CHAF1A: variants seen among roughly 807,000 people sequenced by gnomAD.
The protein encoded by CHAF1A is CAF-1 subunit A.
In CHAF1A, 5 loss-of-function variants were observed where a neutral mutation model predicts 93.2. The ratio of observed to expected loss-of-function variants is 0.05; its 90% CI spans 0.03 to 0.11. The LOEUF (loss-of-function observed/expected upper bound fraction) is 0.11. CHAF1A is among the 10% of genes least tolerant of loss of function. CHAF1A has a pLI of 1.00. For synonymous variants in CHAF1A, 504 were observed against 510.3 expected, an observed-to-expected ratio of 0.99 and a Z score of 0.17; for missense variants, 1,102 against 1,259.9, an observed-to-expected ratio of 0.87 and a Z score of 1.90.
At position 4,443,187 on chromosome 19, in the gene CHAF1A, T is replaced by G; in HGVS notation, c.*162T>G. 1 of 652,644 alleles carries G rather than the reference T, an allele frequency of 1.5e-6. No homozygotes were observed. Among genetic ancestry groups the G allele is most frequent in the South Asian group, 1.7e-5 (1 of 60,486 alleles). 40.4% of individuals were successfully genotyped at this position (652,644 alleles called of 1,614,324 possible). On this transcript the variant is annotated 3_prime_UTR_variant, in exon 15 of 15. Coordinates refer to ENST00000301280, the MANE Select transcript of CHAF1A (RefSeq NM_005483.3). The stretch of plus-strand genomic sequence containing the variant: ...ATGCTGGATTAGTTCCTTTGATATT[T>G]GTAAAAATTCCCCCAAGAGCCGCAT...
rs1394033314 is a variant in CHAF1A at position 4,426,720 on chromosome 19, T to A, written c.1378-1944T>A. Reference sequence around the variant, plus strand: ...AACTACTGACCTCAGGTGATCCGCCTACCTCGGCCTCCCAAAGTGCTGGGA... The same window carrying A: ...AACTACTGACCTCAGGTGATCCGCCAACCTCGGCCTCCCAAAGTGCTGGGA... On this transcript the variant is annotated intron_variant, in intron 7 of 14. Coordinates refer to ENST00000301280, the MANE Select transcript of CHAF1A (RefSeq NM_005483.3). Among the ~76,000 whole-genome samples the A allele has an allele frequency of 2.0e-5, 3 of 149,440 alleles. No individual in the cohort carries two copies. In the East Asian group the frequency reaches 6.0e-4, roughly 30 times the overall value.
intron 13 of CHAF1A, among the ~76,000 whole-genome samples, chr19:4,438,316 G>C (rs1974324118): frequency 6.6e-6 from 1 of 152,114 alleles, no homozygotes; most frequent in African/African-American, 2.4e-5. Context: ...TGAGGATAAT[G>C]GTTCCCAGCT....
At chr19:4,444,313 A>G (rs1291117842), downstream of CHAF1A, among the ~76,000 whole-genome samples, 2 of 152,148 alleles carry the variant, frequency 1.3e-5, no homozygotes, top group Admixed American at 1.3e-4. Flanking sequence ...GGGCCGGGGC[A>G]CACATGCCTT....
At chr19:4,445,530 C>G (rs138129036), downstream of CHAF1A, 169 of 1,613,818 alleles carry the variant, frequency 1.0e-4, no homozygotes, top group Non-Finnish European at 8.1e-5. Flanking sequence ...GACAGGAGCT[C>G]GGGTTTCAGG....
chr19:4,423,204 C>T, intron 5 of CHAF1A, 131 bp from the exon 6 acceptor site: 1 of 1,349,636 alleles, frequency 7.4e-7, no homozygotes, highest in Non-Finnish European at 1.0e-6. Flanking sequence ...AAGCCTTATA[C>T]TAGACATGAA....
chr19:4,448,170 TG>T, downstream of CHAF1A: 1 of 694,384 alleles, frequency 1.4e-6, no homozygotes, highest in Non-Finnish European at 2.4e-6. Flanking sequence ...CTGAGGCCTC[TG>T]GGTGGAGCTG....
At chr19:4,446,567 G>A, downstream of CHAF1A, 1 of 1,612,550 alleles carries the variant, frequency 6.2e-7, no homozygotes. Context: ...AGTTCGAACT[G>A]CGAGGCCAGG....
rs781175892 is a variant in CHAF1A, at chr19:4,429,546, G to C, written c.1713G>C (p.Trp571Cys). The C allele has an allele frequency of 2.5e-6, 4 of 1,614,024 alleles. No individual in the cohort carries two copies. The highest frequency in any genetic ancestry group is 3.4e-6 in the Non-Finnish European group (4 of 1,180,000). The change falls in exon 9 of 15, where the codon TGG becomes TGC. Residue 571 changes from tryptophan to cysteine, a missense_variant. Physicochemically the swap from Trp to Cys is radical, Grantham distance 215. Around this residue, in one of 6 missense-constraint regions of CHAF1A, gnomAD observed 335 missense variants for 361.9 expected, o/e 0.93. Coordinates refer to ENST00000301280, the MANE Select transcript of CHAF1A (RefSeq NM_005483.3). Reference sequence around the variant, plus strand: ...GTGAGAACCACCGGCCTGCCTACTGGGGTACCTGGAATAAGAAGACGGCAC... The same window carrying C: ...GTGAGAACCACCGGCCTGCCTACTGCGGTACCTGGAATAAGAAGACGGCAC... ...QFCENHRPAY[W>C]GTWNKKTALI...
At position 4,443,085 on chromosome 19, in the gene CHAF1A, AC is replaced by A; in HGVS notation, c.*62del. Reference sequence around the variant, plus strand: ...TCCTCCCCACAGAGCAGATACTTGAACCGACTCAATTCCTGTGTAAAGAGCA... The same window carrying A: ...TCCTCCCCACAGAGCAGATACTTGAACGACTCAATTCCTGTGTAAAGAGCA... On this transcript the variant is annotated 3_prime_UTR_variant, in exon 15 of 15. Transcript: ENST00000301280. 1 of 1,108,494 alleles carries A rather than the reference AC, an allele frequency of 9.0e-7. No homozygotes were observed. The highest frequency in any genetic ancestry group is 1.3e-6 in the Non-Finnish European group (1 of 741,500). 68.7% of individuals were successfully genotyped at this position (1,108,494 alleles called of 1,614,324 possible).
At chr19:4,430,929 C>A in intron 11 of CHAF1A, 1 of 415,404 alleles carries the variant, frequency 2.4e-6, no homozygotes, top group South Asian at 2.6e-5. Context: ...GGAAACCACC[C>A]GAGCTGACAT....
intron 2 of CHAF1A, among the ~76,000 whole-genome samples, chr19:4,406,295 A>C (rs1973678827): frequency 6.6e-6 from 1 of 152,174 alleles, no homozygotes; most frequent in Non-Finnish European, 1.5e-5. Flanking sequence ...ATATCTCTAT[A>C]CGTGGCTGAT....
At chr19:4,434,784 T>G (rs1057091737) in intron 13 of CHAF1A, among the ~76,000 whole-genome samples, 3 of 152,204 alleles carry the variant, frequency 2.0e-5, no homozygotes, top group African/African-American at 7.2e-5. Flanking sequence ...GGCACTCTGA[T>G]CGGTCTCTCA....
chr19:4,442,836 C>G lies in CHAF1A; in HGVS notation c.2771-89C>G, dbSNP rs1974418979. 1.1e-5 allele frequency: 11 copies of G among 969,940 alleles called. No homozygotes were observed. In the South Asian group the frequency reaches 1.7e-4, roughly 15 times the overall value. 60.1% of individuals were successfully genotyped at this position (969,940 alleles called of 1,614,324 possible). ...GGAGGGTCCCGCCCTGGGGTTGTTG[C>G]AGGCCCCATGAGGCAGCAGGGTGGG... On this transcript the variant is annotated intron_variant, in intron 14 of 14. Transcript: ENST00000301280.
Position 4,428,864 on chromosome 19 carries a change from C to T in CHAF1A, c.1578C>T (p.Ser526=), listed in dbSNP as rs755489585. 1.2e-6 allele frequency: 2 copies of T among 1,613,812 alleles called. No individual in the cohort carries two copies. Among genetic ancestry groups the T allele is most frequent in the Non-Finnish European group, 1.7e-6 (2 of 1,180,000 alleles). The part of the protein sequence containing the change: ...QPLRSGPTHV[S]TRNADIFNSD... ...TGAGGTCCGGACCCACGCACGTTTC[C>T]ACCCGGAATGCAGATATTTTTAACA... Residue 526 remains serine (S), a synonymous_variant, in exon 8 of 15, where the codon TCC becomes TCT. Coordinates refer to ENST00000301280, the MANE Select transcript of CHAF1A (RefSeq NM_005483.3).
Position 4,442,332 on chromosome 19 carries a change from G to T in CHAF1A, c.2761G>T (p.Asp921Tyr). The T allele has an allele frequency of 6.3e-7, 1 of 1,596,944 alleles. No homozygotes were observed. The highest frequency in any genetic ancestry group is 8.5e-7 in the Non-Finnish European group (1 of 1,170,698). ...CGACTGTATGATCGTGGATGTCCCG[G>T]ATGCTGCGGGTGAGAAGGGCTGTAG... Reference protein sequence around the residue: ...EGDCMIVDVPDAAEVQAPCGA... With the variant: ...EGDCMIVDVPYAAEVQAPCGA... Residue 921 changes from aspartate to tyrosine, a missense_variant, in exon 14 of 15, where the codon GAT becomes TAT. Asp to Tyr is a radical substitution (Grantham distance 160, BLOSUM62 -3). This residue lies in a region of CHAF1A where 119 missense variants were observed against 102.2 expected (regional missense o/e 1.16). Transcript: ENST00000301280.
At chr19:4,416,235 G>A (rs1214021372) in intron 3 of CHAF1A, among the ~76,000 whole-genome samples, 1 of 152,086 alleles carries the variant, frequency 6.6e-6, no homozygotes, top group Non-Finnish European at 1.5e-5. Context: ...CCAGGAAAAT[G>A]GGCCTTTGGT....
At chr19:4,437,865 A>G (rs1257710278) in intron 13 of CHAF1A, among the ~76,000 whole-genome samples, 3 of 151,952 alleles carry the variant, frequency 2.0e-5, no homozygotes, top group Non-Finnish European at 4.4e-5. Context: ...TCAGCCTCCC[A>G]AGTAGGTGGG....
intron 10 of CHAF1A, among the ~76,000 whole-genome samples, 161 bp from the exon 11 acceptor site, chr19:4,430,388 G>A (rs560952055): frequency 6.6e-6 from 1 of 152,206 alleles, no homozygotes. Flanking sequence ...ATGTTGGCCA[G>A]GCTGGTCTCA....
rs772681694 is a variant in CHAF1A at position 4,443,059 on chromosome 19, G to A, written c.*34G>A. 1.5e-6 allele frequency: 2 copies of A among 1,344,404 alleles called. No homozygotes were observed. The highest frequency in any genetic ancestry group is 2.1e-6 in the Non-Finnish European group (2 of 955,608). 83.3% of individuals were successfully genotyped at this position (1,344,404 alleles called of 1,614,324 possible). On this transcript the variant is annotated 3_prime_UTR_variant, in exon 15 of 15. Coordinates refer to ENST00000301280, the MANE Select transcript of CHAF1A (RefSeq NM_005483.3). ...GTGACGTATGTAGAATGCTTAGGGT[G>A]TCCTCCCCACAGAGCAGATACTTGA...
Sources: gnomAD v4.1 joint callset for allele counts (sites outside exome capture counted in the v4.1 genomes callset) on GRCh38, gnomAD v4.1.1 for gene constraint, gnomAD v4.1.1 regional missense constraint, MANE v1.5 for transcripts, NCBI Gene and HGNC (gene_info 2026-07-23, HGNC 2026-07-21) for gene names.